The following GSG1L variants were observed in gnomAD, a reference collection of about 807,000 sequenced individuals.
GSG1L encodes the protein germ cell-specific gene 1-like protein.
In GSG1L, 24 loss-of-function variants were observed where a neutral mutation model predicts 42.1. The ratio of observed to expected loss-of-function variants is 0.57; its 90% CI spans 0.41 to 0.80. The LOEUF (loss-of-function observed/expected upper bound fraction) is 0.80. Ranked by LOEUF, GSG1L falls within the 30% of genes least tolerant of loss-of-function variation. The pLI is 0.00. For synonymous variants in GSG1L, 215 were observed against 203.5 expected (o/e 1.06, Z -0.48); for missense variants, 445 against 472.2 (o/e 0.94, Z 0.53).
chr16:28,002,931 G>T (rs1006040587), intron 1 of GSG1L, among the ~76,000 whole-genome samples: 1 of 150,102 alleles, frequency 6.7e-6, no homozygotes, highest in African/African-American at 2.5e-5. Flanking sequence ...GCGAGACTCC[G>T]TCTCAGAAAA....
intron 6 of GSG1L, among the ~76,000 whole-genome samples, chr16:27,801,516 A>G (rs2082882050): frequency 2.0e-5 from 3 of 152,340 alleles, no homozygotes; most frequent in Admixed American, 1.3e-4. Context: ...CCCCGCAGAA[A>G]TATTGCAAAA....
chr16:28,015,316 C>T (rs1237844546), intron 1 of GSG1L, among the ~76,000 whole-genome samples: 4 of 152,168 alleles, frequency 2.6e-5, no homozygotes, highest in Non-Finnish European at 2.9e-5. Context: ...CCAGCCTGGG[C>T]AACATAGCAA....
intron 2 of GSG1L, among the ~76,000 whole-genome samples, chr16:27,958,132 G>A (rs1272015397): frequency 1.3e-5 from 2 of 152,008 alleles, no homozygotes; most frequent in African/African-American, 4.8e-5. Context: ...GGCCAGGCAC[G>A]GTGGCTCACT....
intron 3 of GSG1L, among the ~76,000 whole-genome samples, chr16:27,859,685 A>G (rs2083619558): frequency 6.6e-6 from 1 of 151,964 alleles, no homozygotes; most frequent in African/African-American, 2.4e-5. Context: ...TTTACTTTTT[A>G]TATTTTGAGA....
chr16:27,851,870 G>A (rs893832572), intron 3 of GSG1L, among the ~76,000 whole-genome samples: 1 of 152,178 alleles, frequency 6.6e-6, no homozygotes, highest in Non-Finnish European at 1.5e-5. Context: ...GGGGTGGCAG[G>A]TTCCTGCGCC....
chr16:28,063,102 G>C lies in GSG1L; in HGVS notation c.323C>G (p.Ser108Trp). Residue 108 changes from serine (S) to tryptophan (W), a missense_variant, in exon 1 of 7, where the codon TCG becomes TGG. Ser to Trp is a radical substitution (Grantham distance 177). Around this residue, in one of 3 missense-constraint regions of GSG1L, gnomAD observed 149 missense variants for 223.3 expected, o/e 0.67. Transcript: ENST00000447459. This position sits in a 1 kb window ranked among gnomAD's most constrained non-coding sequence, Gnocchi z 5.8. ...FRNFHTGIWY[S>W]CEEELSGLGE... is the part of the protein sequence containing the mutation. ...AAGCCCGCTGAGCTCCTCCTCGCAC[G>C]AGTACCAGATGCCGGTGTGGAAATT... is the stretch of plus-strand genomic sequence containing the variant. 6.9e-7 allele frequency: 1 copy of C among 1,441,036 alleles called. No homozygotes were observed. The highest frequency in any genetic ancestry group is 9.2e-7 in the Non-Finnish European group (1 of 1,091,860). 89.3% of individuals were successfully genotyped at this position (1,441,036 alleles called of 1,614,324 possible).
intron 1 of GSG1L, among the ~76,000 whole-genome samples, chr16:28,060,198 C>T (rs896653261): frequency 1.3e-5 from 2 of 151,780 alleles, no homozygotes; most frequent in Admixed American, 1.3e-4. Context: ...GTTCAGGGGG[C>T]TATTGGGATG....
At chr16:27,946,687 A>AGAAG (rs1567530189) in intron 2 of GSG1L, among the ~76,000 whole-genome samples, 7 of 147,712 alleles carry the variant, frequency 4.7e-5, no homozygotes, top group East Asian at 2.0e-4. Flanking sequence ...AAAGAAAGAA[A>AGAAG]GAAAGAATTA....
intron 1 of GSG1L, among the ~76,000 whole-genome samples, chr16:28,028,346 G>A (rs2085923129): frequency 6.6e-6 from 1 of 152,058 alleles, no homozygotes; most frequent in African/African-American, 2.4e-5. Context: ...TCTTGAAGAT[G>A]AATAAACCAA....
chr16:27,950,791 C>T (rs2084941694), intron 2 of GSG1L, among the ~76,000 whole-genome samples: 1 of 152,148 alleles, frequency 6.6e-6, no homozygotes, highest in East Asian at 1.9e-4. Context: ...TCAGTGTCGC[C>T]TTTTGCACAG....
At chr16:28,008,998 A>G (rs1487985664) in intron 1 of GSG1L, among the ~76,000 whole-genome samples, 4 of 152,116 alleles carry the variant, frequency 2.6e-5, no homozygotes, top group East Asian at 1.9e-4. Context: ...TAGTAGAGAC[A>G]GGGTTTCGTC....
At chr16:27,948,492 G>T (rs2084911773) in intron 2 of GSG1L, among the ~76,000 whole-genome samples, 1 of 151,966 alleles carries the variant, frequency 6.6e-6, no homozygotes, top group Non-Finnish European at 1.5e-5. Flanking sequence ...TCCTGCCTTG[G>T]CCTCCCAAGT....
At chr16:27,837,124 C>T (rs1453727364) in intron 4 of GSG1L, among the ~76,000 whole-genome samples, 1 of 152,068 alleles carries the variant, frequency 6.6e-6, no homozygotes, top group Non-Finnish European at 1.5e-5. Flanking sequence ...GCTTAGGAGG[C>T]CTCAGGAAAC....
At chr16:27,815,263 C>A (rs1276230624) in intron 5 of GSG1L, among the ~76,000 whole-genome samples, 1 of 152,064 alleles carries the variant, frequency 6.6e-6, no homozygotes, top group African/African-American at 2.4e-5. Flanking sequence ...TAAGTGAGTT[C>A]TCATTAGTTC....
At chr16:28,043,849 C>T (rs1365856219) in intron 1 of GSG1L, among the ~76,000 whole-genome samples, 1 of 151,864 alleles carries the variant, frequency 6.6e-6, no homozygotes, top group Non-Finnish European at 1.5e-5. Context: ...TGGTGAGACC[C>T]CATCTCTGTA....
intron 2 of GSG1L, among the ~76,000 whole-genome samples, chr16:27,897,155 C>T (rs557260348): frequency 5.9e-5 from 9 of 152,296 alleles, no homozygotes; most frequent in East Asian, 1.9e-4. Flanking sequence ...TGGGCCACCA[C>T]GCCCAGCCAA....
intron 2 of GSG1L, among the ~76,000 whole-genome samples, chr16:27,937,573 G>C (rs1211044951): frequency 6.6e-6 from 1 of 152,170 alleles, no homozygotes; most frequent in African/African-American, 2.4e-5. Flanking sequence ...CATCTCCCTT[G>C]CTGACAGGGC....
At chr16:27,897,425 A>G (rs902811438) in intron 2 of GSG1L, among the ~76,000 whole-genome samples, 5 of 152,034 alleles carry the variant, frequency 3.3e-5, no homozygotes, top group Admixed American at 2.0e-4. Context: ...CAGCCTCCCA[A>G]GTCTCCAGGA....
intron 1 of GSG1L, among the ~76,000 whole-genome samples, chr16:28,003,512 G>A (rs1229474821): frequency 6.6e-6 from 1 of 152,184 alleles, no homozygotes; most frequent in Non-Finnish European, 1.5e-5. Context: ...GGACAGAGGA[G>A]CCAATTGGCC....
Sources: allele counts gnomAD v4.1 joint callset (sites outside exome capture counted in the v4.1 genomes callset), GRCh38; gene constraint gnomAD v4.1.1; regional missense constraint gnomAD v4.1.1; non-coding constraint Gnocchi (gnomAD v3.1); transcripts MANE v1.5; gene names NCBI Gene and HGNC (gene_info 2026-07-23, HGNC 2026-07-21).